ELAVL1: variants seen among roughly 807,000 people sequenced by gnomAD.
ELAVL1 encodes ELAV like RNA binding protein 1, also known as ELAV-like protein 1.
In ELAVL1, 1 loss-of-function variant was observed where a neutral mutation model predicts 28.4. That is an observed-to-expected ratio of 0.04 (90% CI 0.01 to 0.17). The LOEUF is 0.17. Among genes scored for constraint, ELAVL1 ranks in the 10% least tolerant of loss-of-function variants. ELAVL1 has a pLI of 1.00. For missense variants in ELAVL1, 157 were observed against 447.2 expected (o/e 0.35, Z 5.85); for synonymous variants, 174 against 183.5 (o/e 0.95, Z 0.42).
In ELAVL1 at chr19:7,986,774, G is replaced by A. The variant is rs112167161; in HGVS notation, c.172+4870C>T. Among the ~76,000 whole-genome samples the A allele has an allele frequency of 1.8e-3, 281 of 152,316 alleles. 1 individual carries two copies. Among genetic ancestry groups the A allele is most frequent in the African/African-American group, 6.5e-3 (269 of 41,574 alleles). On this transcript the variant is annotated intron_variant, in intron 2 of 5. Coordinates refer to ENST00000407627, the MANE Select transcript of ELAVL1 (RefSeq NM_001419.3). The stretch of plus-strand genomic sequence containing the variant: ...ATGATGGGATCGCGAGATGTTCAGC[G>A]AAGTGGAAAAATGTCCAGATACAGG...
intron 2 of ELAVL1, among the ~76,000 whole-genome samples, chr19:7,983,960 C>T (rs908138297): frequency 5.3e-5 from 8 of 152,082 alleles, no homozygotes; most frequent in Admixed American, 2.0e-4. Flanking sequence ...GGAAACCACA[C>T]CAGGTTTCCG....
At chr19:8,003,106 G>C (rs1164084021) in intron 1 of ELAVL1, among the ~76,000 whole-genome samples, 1 of 151,998 alleles carries the variant, frequency 6.6e-6, no homozygotes, top group African/African-American at 2.4e-5. Flanking sequence ...TAGCACCATG[G>C]GCTGGGCGCG....
In ELAVL1 at chr19:7,963,825, A is replaced by T; in HGVS notation, c.657-18T>A. The T allele has an allele frequency of 6.2e-7, 1 of 1,610,258 alleles. No individual in the cohort carries two copies. The highest frequency in any genetic ancestry group is 8.5e-7 in the Non-Finnish European group (1 of 1,177,312). On this transcript the variant is annotated intron_variant, in intron 5 of 5. Coordinates refer to ENST00000407627, the MANE Select transcript of ELAVL1 (RefSeq NM_001419.3). The surrounding 1 kb of genome is among the most constrained non-coding windows in gnomAD (Gnocchi z 4.5). Reference sequence around the variant, plus strand: ...GGGAGAACCTGGCAGACAGAGAGCAAGCGTCAGGCCACGGTCAGCGCAGGC... The same window carrying T: ...GGGAGAACCTGGCAGACAGAGAGCATGCGTCAGGCCACGGTCAGCGCAGGC...
At chr19:7,989,865 G>A (rs1985705257) in intron 2 of ELAVL1, among the ~76,000 whole-genome samples, 1 of 152,202 alleles carries the variant, frequency 6.6e-6, no homozygotes, top group Non-Finnish European at 1.5e-5. Context: ...CTAATTCCCT[G>A]TAGAGCGGCC....
intron 1 of ELAVL1, among the ~76,000 whole-genome samples, chr19:7,998,610 A>T (rs942853456): frequency 6.6e-6 from 1 of 152,096 alleles, no homozygotes; most frequent in South Asian, 2.1e-4. Flanking sequence ...GCAGGGCACT[A>T]GTGTCCTCTC....
intron 2 of ELAVL1, among the ~76,000 whole-genome samples, chr19:7,983,108 C>T (rs1985506584): frequency 6.6e-6 from 1 of 152,190 alleles, no homozygotes; most frequent in Admixed American, 6.5e-5. Context: ...ATAGAAATGA[C>T]GTGCAGTTAG....
At chr19:7,998,975 AT>A (rs1396726574) in intron 1 of ELAVL1, among the ~76,000 whole-genome samples, 1 of 151,686 alleles carries the variant, frequency 6.6e-6, no homozygotes, top group Admixed American at 6.6e-5. Context: ...CAGGGGTCTC[AT>A]TTTGTTGCCC....
At chr19:7,993,382 G>T (rs974268188) in intron 1 of ELAVL1, among the ~76,000 whole-genome samples, 2 of 152,202 alleles carry the variant, frequency 1.3e-5, no homozygotes, top group African/African-American at 4.8e-5. Flanking sequence ...CTGCTGCTGA[G>T]GGGGCAGGTA....
chr19:7,994,826 T>C (rs1985836168), intron 1 of ELAVL1, among the ~76,000 whole-genome samples: 1 of 152,158 alleles, frequency 6.6e-6, no homozygotes, highest in Non-Finnish European at 1.5e-5. Context: ...TGGTGACCCA[T>C]GCCTATAGTT....
rs554802670 is a variant in ELAVL1 at position 7,970,239 on chromosome 19, T to G, written c.431-2449A>C. Reference sequence around the variant, plus strand: ...GGTGCAATCTCGGCTCACTGCAACCTCCGCCTCCCAGGTTCAAACGATACT... The same window carrying G: ...GGTGCAATCTCGGCTCACTGCAACCGCCGCCTCCCAGGTTCAAACGATACT... On this transcript the variant is annotated intron_variant, in intron 4 of 5. Transcript: ENST00000407627. Among the ~76,000 whole-genome samples, 3 of 152,346 alleles carry G rather than the reference T, an allele frequency of 2.0e-5. No homozygotes were observed. In the South Asian group the frequency reaches 6.2e-4, roughly 32 times the overall value.
rs896312589 is a variant in ELAVL1 at position 7,979,892 on chromosome 19, G to C, written c.276+1191C>G. 3.9e-5 allele frequency among the ~76,000 whole-genome samples: 6 copies of C among 152,158 alleles called. No homozygotes were observed. Among genetic ancestry groups the C allele is most frequent in the Non-Finnish European group, 8.8e-5 (6 of 68,020 alleles). ...TGGCTGAAGGTGCTGTCACTGTCAG[G>C]TCACAGAACCCCTCTTGGTGGGCAG... On this transcript the variant is annotated intron_variant, in intron 3 of 5. Transcript: ENST00000407627. The surrounding 1 kb of genome is among the most constrained non-coding windows in gnomAD (Gnocchi z 5.4).
chr19:7,976,780 C>T (rs1363997094), intron 3 of ELAVL1, among the ~76,000 whole-genome samples: 1 of 152,186 alleles, frequency 6.6e-6, no homozygotes, highest in Admixed American at 6.5e-5. Flanking sequence ...GGCATCAACG[C>T]CCAGTTCCTC....
Position 7,967,747 on chromosome 19 carries a change from C to T in ELAVL1, c.474G>A (p.Ser158=), listed in dbSNP as rs776273273. Reference sequence around the variant, plus strand: ...AACTGGTAATTGCCTCTTCTGCCTCCGACCGTTTGTCAAACCGGATAAACG... The same window carrying T: ...AACTGGTAATTGCCTCTTCTGCCTCTGACCGTTTGTCAAACCGGATAAACG... ...GVAFIRFDKR[S]EAEEAITSFN... is the part of the protein sequence containing the mutation. The change falls in exon 5 of 6, where the codon TCG becomes TCA. Residue 158 remains serine, a synonymous_variant. Coordinates refer to ENST00000407627, the MANE Select transcript of ELAVL1 (RefSeq NM_001419.3). 3.1e-6 allele frequency: 5 copies of T among 1,614,168 alleles called. No individual in the cohort carries two copies. Among genetic ancestry groups the T allele is most frequent in the East Asian group, 2.2e-5 (1 of 44,886 alleles).
intron 5 of ELAVL1, among the ~76,000 whole-genome samples, chr19:7,964,277 A>T (rs1269378867): frequency 6.6e-6 from 1 of 152,090 alleles, no homozygotes; most frequent in Non-Finnish European, 1.5e-5. Flanking sequence ...CCCGCCCCCA[A>T]GCGTTGACAG....
intron 5 of ELAVL1, among the ~76,000 whole-genome samples, chr19:7,964,774 C>G (rs962598245): frequency 1.1e-4 from 16 of 152,184 alleles, no homozygotes; most frequent in African/African-American, 3.6e-4. Context: ...AGGTATATGA[C>G]AAAACAGTTC....
chr19:7,965,727 T>C (rs1984939755), intron 5 of ELAVL1, among the ~76,000 whole-genome samples: 1 of 151,994 alleles, frequency 6.6e-6, no homozygotes, highest in African/African-American at 2.4e-5. Flanking sequence ...GGGACCAGAG[T>C]CCCATGTCTC....
At chr19:7,973,491 A>G in intron 4 of ELAVL1, 1 of 545,612 alleles carries the variant, frequency 1.8e-6, no homozygotes, top group Non-Finnish European at 3.2e-6. Context: ...TGGCCTCCCA[A>G]AGTGCTGGGA....
At chr19:8,000,339 T>C (rs1316583227) in intron 1 of ELAVL1, among the ~76,000 whole-genome samples, 1 of 152,192 alleles carries the variant, frequency 6.6e-6, no homozygotes, top group African/African-American at 2.4e-5. Context: ...CCGTCGATCA[T>C]CTAGCGCATA....
intron 1 of ELAVL1, among the ~76,000 whole-genome samples, chr19:7,997,019 A>C (rs1473848250): frequency 6.6e-6 from 1 of 152,160 alleles, no homozygotes; most frequent in East Asian, 1.9e-4. Flanking sequence ...AAAACAACCA[A>C]CAGCAACAAA....
Sources: allele counts gnomAD v4.1 joint callset (sites outside exome capture counted in the v4.1 genomes callset), GRCh38; gene constraint gnomAD v4.1.1; non-coding constraint Gnocchi (gnomAD v3.1); transcripts MANE v1.5; gene names NCBI Gene and HGNC (gene_info 2026-07-23, HGNC 2026-07-21).